Variants in CDH20 observed in about 807,000 individuals in gnomAD.
The protein encoded by CDH20 is cadherin 20.
CDH20 carries 29 observed loss-of-function variants against 74.2 expected under a neutral mutation model. The ratio of observed to expected loss-of-function variants is 0.39; its 90% CI spans 0.29 to 0.53. CDH20 has a LOEUF of 0.53. Among genes scored for constraint, CDH20 ranks in the 20% least tolerant of loss-of-function variants. The pLI is 0.69. For synonymous variants in CDH20, 469 were observed against 405.4 expected, an observed-to-expected ratio of 1.16 and a Z score of -1.88; for missense variants, 988 against 1,048.3, an observed-to-expected ratio of 0.94 and a Z score of 0.79.
chr18:61,358,479 T>G (rs966300968), intron 1 of CDH20, among the ~76,000 whole-genome samples: 4 of 152,182 alleles, frequency 2.6e-5, no homozygotes, highest in African/African-American at 9.6e-5. Flanking sequence ...TGTTTTTCTT[T>G]ATGTGCTTCT....
intron 1 of CDH20, among the ~76,000 whole-genome samples, chr18:61,452,824 C>T (rs1219709508): frequency 2.6e-5 from 4 of 152,094 alleles, no homozygotes; most frequent in Non-Finnish European, 5.9e-5. Flanking sequence ...TTTACATTCT[C>T]CTTCCCTCTC....
chr18:61,394,502 G>A (rs1911896775), intron 1 of CDH20, among the ~76,000 whole-genome samples: 1 of 152,128 alleles, frequency 6.6e-6, no homozygotes, highest in Non-Finnish European at 1.5e-5. Flanking sequence ...TACACCCCAA[G>A]GCATGCCAGT....
Position 61,399,506 on chromosome 18 carries a change from A to G in CDH20, c.-153+65679A>G, listed in dbSNP as rs755512571. ...TTCTTCTCCAGCCCGAAATCCCATC[A>G]TGTTTTGTTCAGCTCACTGGATCAA... On this transcript the variant is annotated intron_variant, in intron 1 of 11. Transcript: ENST00000262717. Among the ~76,000 whole-genome samples the G allele has an allele frequency of 2.4e-4, 36 of 152,040 alleles. 1 individual carries two copies. Among genetic ancestry groups the G allele is most frequent in the Middle Eastern group, 3.2e-3 (1 of 316 alleles).
At chr18:61,346,474 T>C (rs1007023199) in intron 1 of CDH20, among the ~76,000 whole-genome samples, 2 of 152,172 alleles carry the variant, frequency 1.3e-5, no homozygotes, top group African/African-American at 2.4e-5. Flanking sequence ...AAACAATTTA[T>C]GGAAGGAGCT....
Position 61,342,733 on chromosome 18 carries a change from C to T in CDH20, c.-153+8906C>T, listed in dbSNP as rs566675665. ...TAGTAAAGTTCAATTTTCATGTATT[C>T]CTTATTATAGTATACATTTTCAATT... is the stretch of plus-strand genomic sequence containing the variant. On this transcript the variant is annotated intron_variant, in intron 1 of 11. Transcript: ENST00000262717. Among the ~76,000 whole-genome samples the T allele has an allele frequency of 1.6e-4, 24 of 152,258 alleles. No individual in the cohort carries two copies. The South Asian group carries it at 5.0e-3, about 32-fold the overall frequency.
chr18:61,456,957 A>T (rs1298557566), intron 1 of CDH20, among the ~76,000 whole-genome samples: 1 of 152,128 alleles, frequency 6.6e-6, no homozygotes, highest in African/African-American at 2.4e-5. Context: ...CACCTTTATG[A>T]CCTAAGTACC....
intron 2 of CDH20, among the ~76,000 whole-genome samples, chr18:61,491,449 C>T (rs1403581654): frequency 1.3e-5 from 2 of 152,162 alleles, no homozygotes; most frequent in African/African-American, 4.8e-5. Flanking sequence ...AGACAAGAAA[C>T]TAATTAGAAA....
intron 1 of CDH20, among the ~76,000 whole-genome samples, chr18:61,369,370 G>T (rs983811813): frequency 6.6e-5 from 10 of 152,066 alleles, no homozygotes; most frequent in African/African-American, 2.4e-4. Context: ...TTAATTGTAT[G>T]ACAGACTTTT....
At chr18:61,481,677 T>C (rs1447571514) in intron 1 of CDH20, among the ~76,000 whole-genome samples, 1 of 152,222 alleles carries the variant, frequency 6.6e-6, no homozygotes, top group African/African-American at 2.4e-5. Context: ...TCAGATGCCA[T>C]TGCCCATACA....
intron 8 of CDH20, among the ~76,000 whole-genome samples, chr18:61,536,940 T>C (rs1912836242): frequency 6.6e-6 from 1 of 152,164 alleles, no homozygotes; most frequent in Admixed American, 6.5e-5. Flanking sequence ...ATCTTTAATA[T>C]GATTGTGAAT....
intron 1 of CDH20, among the ~76,000 whole-genome samples, chr18:61,425,109 C>G (rs1159058989): frequency 6.6e-6 from 1 of 150,542 alleles, no homozygotes; most frequent in East Asian, 1.9e-4. Context: ...AGGTCTATCT[C>G]AACTCCTTCC....
At chr18:61,473,561 C>G (rs1910262667) in intron 1 of CDH20, among the ~76,000 whole-genome samples, 2 of 144,368 alleles carry the variant, frequency 1.4e-5, no homozygotes, top group South Asian at 4.4e-4. Context: ...ACAGCATTTT[C>G]CATTCCAAGG....
chr18:61,429,848 T>C (rs570266136), intron 1 of CDH20, among the ~76,000 whole-genome samples: 44 of 152,342 alleles, frequency 2.9e-4, no homozygotes, highest in South Asian at 6.2e-4. Context: ...TTCACTGGAA[T>C]AATACTTTTC....
intron 1 of CDH20, among the ~76,000 whole-genome samples, chr18:61,449,477 C>T (rs532747675): frequency 1.6e-4 from 25 of 152,076 alleles, no homozygotes; most frequent in African/African-American, 5.1e-4. Context: ...GTTAATGGCT[C>T]CTCATTAATA....
intron 1 of CDH20, among the ~76,000 whole-genome samples, chr18:61,382,077 C>T (rs548193088): frequency 1.1e-3 from 167 of 152,272 alleles, no homozygotes; most frequent in African/African-American, 3.9e-3. Context: ...GCCACATGCT[C>T]TACTGAAACG....
chr18:61,383,835 G>C (rs1222909493), intron 1 of CDH20, among the ~76,000 whole-genome samples: 1 of 152,186 alleles, frequency 6.6e-6, no homozygotes, highest in African/African-American at 2.4e-5. Context: ...CAGCCATGGT[G>C]AGGCTCAGCC....
chr18:61,554,607 G>A lies in CDH20; in HGVS notation c.2318G>A (p.Ser773Asn), dbSNP rs1555685801. ...TCGGCCACGTCGGACTCGGAACAGA[G>A]CTTCGACTTCCTGACGGACTGGGGG... is the stretch of plus-strand genomic sequence containing the variant. ...LQSATSDSEQ[S>N]FDFLTDWGPR... Residue 773 changes from serine (S) to asparagine (N), a missense_variant, in exon 12 of 12, where the codon AGC becomes AAC. Around this residue, in one of 2 missense-constraint regions of CDH20, gnomAD observed 375 missense variants for 293.1 expected, o/e 1.28. Coordinates refer to ENST00000262717, the MANE Select transcript of CDH20 (RefSeq NM_031891.4). 5.0e-6 allele frequency: 8 copies of A among 1,608,304 alleles called. No individual in the cohort carries two copies. The African/African-American group carries it at 5.3e-5, about 11-fold the overall frequency.
At chr18:61,519,419 T>C (rs1284717696) in intron 6 of CDH20, among the ~76,000 whole-genome samples, 2 of 151,212 alleles carry the variant, frequency 1.3e-5, no homozygotes, top group Non-Finnish European at 2.9e-5. Context: ...TAACAGTGGA[T>C]CTCTTTGCAG....
At chr18:61,420,495 T>A (rs1270993813) in intron 1 of CDH20, among the ~76,000 whole-genome samples, 1 of 152,164 alleles carries the variant, frequency 6.6e-6, no homozygotes, top group African/African-American at 2.4e-5. Flanking sequence ...CTCTACTTCA[T>A]GCGTGGTACC....
Sources: allele counts gnomAD v4.1 joint callset (sites outside exome capture counted in the v4.1 genomes callset), GRCh38; gene constraint gnomAD v4.1.1; regional missense constraint gnomAD v4.1.1; transcripts MANE v1.5; gene names NCBI Gene and HGNC (gene_info 2026-07-23, HGNC 2026-07-21).